HYCC1: variants seen among roughly 807,000 people sequenced by gnomAD.
HYCC1 encodes hyccin.
the HYCC1 span, chr7:22,964,582 ATTTAT>A: frequency 5.8e-6 from 6 of 1,032,086 alleles, no homozygotes; most frequent in South Asian, 1.3e-5. Context: ...ATTTTAGGTG[ATTTAT>A]TTTAACATTT....
chr7:22,989,983 T>C, the HYCC1 span, among the ~76,000 whole-genome samples: 1 of 152,202 alleles, frequency 6.6e-6, no homozygotes, highest in East Asian at 1.9e-4. Context: ...TTGTTGAACA[T>C]GTATCAGTAA....
the HYCC1 span, among the ~76,000 whole-genome samples, chr7:22,953,554 G>C: frequency 1.3e-5 from 2 of 151,798 alleles, no homozygotes; most frequent in Non-Finnish European, 2.9e-5. Flanking sequence ...AATTGTCTAA[G>C]TCAGGATTCT....
At chr7:22,909,560 A>G in the HYCC1 span, among the ~76,000 whole-genome samples, 5 of 152,226 alleles carry the variant, frequency 3.3e-5, no homozygotes, top group Non-Finnish European at 7.3e-5. Context: ...AACCATAACC[A>G]TAAGCGTGAC....
At chr7:22,908,304 G>C in the HYCC1 span, among the ~76,000 whole-genome samples, 1 of 152,174 alleles carries the variant, frequency 6.6e-6, no homozygotes, top group Non-Finnish European at 1.5e-5. Flanking sequence ...TTCCTTTTTA[G>C]TCTGACTTCC....
the HYCC1 span, chr7:22,976,424 T>A: frequency 1.4e-6 from 1 of 727,448 alleles, no homozygotes; most frequent in Admixed American, 2.5e-5. Flanking sequence ...CTGCACAGTA[T>A]AAGCACACCA....
chr7:22,926,761 T>A, the HYCC1 span, among the ~76,000 whole-genome samples: 139 of 151,344 alleles, frequency 9.2e-4, no homozygotes, highest in African/African-American at 3.2e-3. Context: ...ACTGTCAACA[T>A]TAGACAGATC....
chr7:22,976,843 G>T, the HYCC1 span: 1 of 1,254,444 alleles, frequency 8.0e-7, no homozygotes, highest in South Asian at 1.2e-5. Context: ...GAAAAAAAAA[G>T]CTATTCTGCT....
the HYCC1 span, among the ~76,000 whole-genome samples, chr7:22,924,369 C>A: frequency 6.6e-6 from 1 of 151,992 alleles, no homozygotes; most frequent in African/African-American, 2.4e-5. Flanking sequence ...GTGTGTGAGC[C>A]GAAGCAGGGC....
At chr7:23,013,472 G>A in the HYCC1 span, among the ~76,000 whole-genome samples, 278 of 152,334 alleles carry the variant, frequency 1.8e-3, 1 homozygote, top group African/African-American at 6.4e-3. Flanking sequence ...GAGTGGGAGA[G>A]GAGGCAGAGG....
the HYCC1 span, among the ~76,000 whole-genome samples, chr7:23,011,420 TG>T: frequency 6.6e-6 from 1 of 152,208 alleles, no homozygotes; most frequent in Admixed American, 6.5e-5. Flanking sequence ...CTTCCATTTT[TG>T]TGTTCCTCAT....
the HYCC1 span, among the ~76,000 whole-genome samples, chr7:22,951,793 TAGG>T: frequency 1.7e-4 from 26 of 151,978 alleles, no homozygotes; most frequent in African/African-American, 5.8e-4. Flanking sequence ...CTGTATTTAC[TAGG>T]AGAACTAGGG....
the HYCC1 span, among the ~76,000 whole-genome samples, chr7:22,962,690 T>C: frequency 6.6e-6 from 1 of 151,514 alleles, no homozygotes; most frequent in African/African-American, 2.4e-5. Context: ...TGCGGGGACA[T>C]GGGATCAGCC....
At chr7:22,969,310 T>C in the HYCC1 span, among the ~76,000 whole-genome samples, 11 of 150,614 alleles carry the variant, frequency 7.3e-5, no homozygotes, top group Non-Finnish European at 3.0e-5. Flanking sequence ...ACACCGCACC[T>C]GTTTATTTTG....
At chr7:22,913,339 G>A in the HYCC1 span, among the ~76,000 whole-genome samples, 24 of 152,336 alleles carry the variant, frequency 1.6e-4, no homozygotes, top group East Asian at 1.9e-3. Context: ...GAGGCAGAGA[G>A]CTTAACAGAG....
chr7:23,012,418 T>C, the HYCC1 span, among the ~76,000 whole-genome samples: 160 of 152,320 alleles, frequency 1.1e-3, no homozygotes, highest in Non-Finnish European at 1.8e-3. Context: ...TGCCGATGAC[T>C]AAGAAGGTTT....
the HYCC1 span, among the ~76,000 whole-genome samples, chr7:22,900,351 A>G: frequency 2.0e-5 from 3 of 152,232 alleles, no homozygotes; most frequent in African/African-American, 7.2e-5. Context: ...ACTAGCAAAT[A>G]TCAAACAAAG....
chr7:23,002,161 T>C, the HYCC1 span, among the ~76,000 whole-genome samples: 2,817 of 60,228 alleles, frequency 0.047, 83 homozygotes, highest in Non-Finnish European at 0.057. Context: ...TATATATATA[T>C]ATATATATAT....
chr7:22,932,164 A>C, the HYCC1 span, among the ~76,000 whole-genome samples: 1 of 152,242 alleles, frequency 6.6e-6, no homozygotes, highest in Non-Finnish European at 1.5e-5. Flanking sequence ...ATCTAGAAAC[A>C]AATCTATGCA....
the HYCC1 span, chr7:22,934,194 C>T: frequency 2.1e-5 from 3 of 143,464 alleles, no homozygotes; most frequent in Non-Finnish European, 3.0e-5. Context: ...CAAGTTTCCG[C>T]CTCTTTTTTT....
Sources: allele counts gnomAD v4.1 joint callset (sites outside exome capture counted in the v4.1 genomes callset), GRCh38; gene constraint gnomAD v4.1.1; transcripts MANE v1.5; gene names NCBI Gene and HGNC (gene_info 2026-07-23, HGNC 2026-07-21).